LRTM1: variants seen among roughly 807,000 people sequenced by gnomAD.
The protein encoded by LRTM1 is leucine rich repeat transmembrane protein 1, also known as leucine-rich repeat and transmembrane domain-containing protein 1.
LRTM1 carries 38 observed loss-of-function variants against 32.4 expected under a neutral mutation model. The ratio of observed to expected loss-of-function variants is 1.17; its 90% CI spans 0.91 to 1.54. The LOEUF (loss-of-function observed/expected upper bound fraction) is 1.54, where lower values mean the gene tolerates loss of function less well. Ranked by LOEUF, LRTM1 falls within the 40% of genes most tolerant of loss-of-function variation. LRTM1 has a pLI of 0.00. For missense variants in LRTM1, 466 were observed against 415.4 expected (o/e 1.12, Z -1.06); for synonymous variants, 186 against 169.9 (o/e 1.09, Z -0.74).
At chr3:54,931,068 C>T (rs1177991575), upstream of LRTM1, among the ~76,000 whole-genome samples, 3 of 152,150 alleles carry the variant, frequency 2.0e-5, no homozygotes, top group African/African-American at 7.2e-5. Flanking sequence ...TGTACTCCAG[C>T]CTGGGTGACA....
intron 1 of LRTM1, among the ~76,000 whole-genome samples, chr3:54,938,928 T>C (rs972952380): frequency 3.3e-5 from 5 of 152,062 alleles, no homozygotes; most frequent in African/African-American, 9.7e-5. Context: ...CAGGAGAGCA[T>C]GTGCATTGGC....
At chr3:54,925,724 G>A (rs916226914) in intron 1 of LRTM1, among the ~76,000 whole-genome samples, 1 of 152,154 alleles carries the variant, frequency 6.6e-6, no homozygotes, top group African/African-American at 2.4e-5. Context: ...TGTGGCTACC[G>A]AGCTCTTGAG....
rs577930575 is a variant in LRTM1, at chr3:54,924,968, G to T, written c.255C>A (p.Ser85=). The T allele has an allele frequency of 5.9e-5, 95 of 1,611,160 alleles. 3 individuals carry two copies. The South Asian group carries it at 1.0e-3, about 18-fold the overall frequency. Residue 85 remains serine, a synonymous_variant, in exon 2 of 3, where the codon TCC becomes TCA. Coordinates refer to ENST00000273286, the MANE Select transcript of LRTM1 (RefSeq NM_020678.4). ...WLMTLNLSNN[S]LSNLAPGAFH... ...AAGCTCCAGGGGCCAGATTTGAAAG[G>T]GAATTGTTGGACAAGTTTAAGGTCA...
chr3:54,948,720 A>G (rs1422031449), intron 1 of LRTM1, among the ~76,000 whole-genome samples: 3 of 152,190 alleles, frequency 2.0e-5, no homozygotes, highest in Admixed American at 1.3e-4. Flanking sequence ...GTTGTCAGCT[A>G]TTGTATTTGA....
chr3:54,938,383 C>G (rs552159716), intron 1 of LRTM1, among the ~76,000 whole-genome samples: 19 of 152,340 alleles, frequency 1.2e-4, no homozygotes, highest in African/African-American at 4.3e-4. Context: ...TGGGGCCATC[C>G]ATGGCCTCAG....
chr3:54,926,735 A>G (rs1701032445), intron 1 of LRTM1, among the ~76,000 whole-genome samples: 1 of 152,112 alleles, frequency 6.6e-6, no homozygotes, highest in Non-Finnish European at 1.5e-5. Context: ...TAGTATTAAT[A>G]TTTACCCCCA....
At chr3:54,918,978 T>C (rs2106925030) in intron 2 of LRTM1, 86 bp from the exon 3 acceptor site, 2 of 1,113,836 alleles carry the variant, frequency 1.8e-6, no homozygotes, top group South Asian at 5.2e-5. Flanking sequence ...CTTAGGCAGA[T>C]GGAATTTATG....
At position 54,918,658 on chromosome 3, in the gene LRTM1, G is replaced by A. The variant is rs1255085432; in HGVS notation, c.839C>T (p.Ala280Val). 1.2e-6 allele frequency: 2 copies of A among 1,614,156 alleles called. No homozygotes were observed. Among genetic ancestry groups the A allele is most frequent in the East Asian group, 4.5e-5 (2 of 44,868 alleles). The change falls in exon 3 of 3, where the codon GCC becomes GTC. Residue 280 changes from alanine (A) to valine (V), a missense_variant. Coordinates refer to ENST00000273286, the MANE Select transcript of LRTM1 (RefSeq NM_020678.4). Reference protein sequence around the residue: ...ECELKPKPRPANLRHAIATVI... With the variant: ...ECELKPKPRPVNLRHAIATVI... The stretch of plus-strand genomic sequence containing the variant: ...AGTGGCAATGGCATGACGCAGGTTG[G>A]CCGGCCTTGGCTTGGGTTTGAGCTC...
At chr3:54,929,064 A>G (rs1045530486), upstream of LRTM1, among the ~76,000 whole-genome samples, 1 of 152,138 alleles carries the variant, frequency 6.6e-6, no homozygotes, top group Non-Finnish European at 1.5e-5. Flanking sequence ...ATGAAGTGCA[A>G]TCCTTGGCTC....
At chr3:54,933,517 G>A (rs1038362075) in intron 1 of LRTM1, among the ~76,000 whole-genome samples, 1 of 152,166 alleles carries the variant, frequency 6.6e-6, no homozygotes, top group Non-Finnish European at 1.5e-5. Flanking sequence ...ACATGACCAT[G>A]TCTAACAGCA....
At chr3:54,932,201 A>G (rs542426677), upstream of LRTM1, among the ~76,000 whole-genome samples, 3 of 152,284 alleles carry the variant, frequency 2.0e-5, no homozygotes, top group Admixed American at 2.0e-4. Flanking sequence ...TAATAAATGA[A>G]AAAGAATAAT....
upstream of LRTM1, among the ~76,000 whole-genome samples, chr3:54,929,972 G>C (rs1248667117): frequency 6.6e-6 from 1 of 151,986 alleles, no homozygotes; most frequent in Non-Finnish European, 1.5e-5. Context: ...TCTTTCCCTG[G>C]GGTCAGAAAC....
In LRTM1 at chr3:54,924,677, C is replaced by T. The variant is rs532949078; in HGVS notation, c.546G>A (p.Trp182Ter). Residue 182 changes from tryptophan (W) to a stop codon, truncating the protein, a stop_gained, in exon 2 of 3, where the codon TGG (tryptophan) becomes TGA (stop). Transcript: ENST00000273286. LOFTEE classifies it high-confidence loss of function. ...VRLLLLKDNL[W>*]KCNCHLLGLK... ...GACCGAGCAAGTGGCAATTGCATTTCCAGAGGTTGTCCTTGAGAAGTAAAA... is the reference window on the plus strand; with the variant it reads ...GACCGAGCAAGTGGCAATTGCATTTTCAGAGGTTGTCCTTGAGAAGTAAAA... 3.7e-6 allele frequency: 6 copies of T among 1,614,132 alleles called. No homozygotes were observed. Among genetic ancestry groups the T allele is most frequent in the Non-Finnish European group, 5.1e-6 (6 of 1,180,024 alleles).
intron 1 of LRTM1, among the ~76,000 whole-genome samples, chr3:54,939,492 C>G (rs1292970987): frequency 1.3e-5 from 2 of 152,174 alleles, no homozygotes; most frequent in African/African-American, 4.8e-5. Flanking sequence ...TCCCGCTGCC[C>G]ATTTCTTCAG....
intron 1 of LRTM1, among the ~76,000 whole-genome samples, chr3:54,957,170 T>G (rs55929864): frequency 2.5e-4 from 27 of 108,396 alleles, no homozygotes; most frequent in South Asian, 1.1e-3. Context: ...AATTTTCTTT[T>G]TTTTTTTTTT....
At chr3:54,951,188 G>A (rs1161580579) in intron 1 of LRTM1, among the ~76,000 whole-genome samples, 1 of 152,176 alleles carries the variant, frequency 6.6e-6, no homozygotes. Context: ...AGATAATACA[G>A]AATAAAGTAG....
chr3:54,931,619 C>T (rs980045587), upstream of LRTM1, among the ~76,000 whole-genome samples: 4 of 152,144 alleles, frequency 2.6e-5, no homozygotes, highest in African/African-American at 7.2e-5. Context: ...TGCCAGGACC[C>T]CAGGTTCCCA....
At chr3:54,926,177 A>C (rs2106943848) in intron 1 of LRTM1, among the ~76,000 whole-genome samples, 1 of 152,302 alleles carries the variant, frequency 6.6e-6, no homozygotes, top group South Asian at 2.1e-4. Flanking sequence ...AATCATTAGT[A>C]ATGACAAAAA....
intron 1 of LRTM1, among the ~76,000 whole-genome samples, chr3:54,944,252 A>G (rs1701551573): frequency 6.6e-6 from 1 of 152,038 alleles, no homozygotes; most frequent in Non-Finnish European, 1.5e-5. Context: ...AGAAATGCAT[A>G]TCCTTCAGTT....
Sources: allele counts gnomAD v4.1 joint callset (sites outside exome capture counted in the v4.1 genomes callset), GRCh38; gene constraint gnomAD v4.1.1; transcripts MANE v1.5; gene names NCBI Gene and HGNC (gene_info 2026-07-23, HGNC 2026-07-21).